NF2: variants seen among roughly 807,000 people sequenced by gnomAD.
NF2 encodes the protein merlin.
NF2 carries 8 observed loss-of-function variants against 83.7 expected under a neutral mutation model. That is an observed-to-expected ratio of 0.10 (90% CI 0.06 to 0.17). The LOEUF is 0.17. Among genes scored for constraint, NF2 ranks in the 10% least tolerant of loss-of-function variants. The pLI, the probability that NF2 is intolerant of heterozygous loss-of-function variation, is 1.00. For missense variants in NF2, 533 were observed against 744.4 expected, an observed-to-expected ratio of 0.72 and a Z score of 3.31; for synonymous variants, 266 against 269.6, an observed-to-expected ratio of 0.99 and a Z score of 0.13.
In NF2 at chr22:29,695,329, G is replaced by T. The variant is rs985623687; in HGVS notation, c.*527G>T. 1.2e-4 allele frequency: 31 copies of T among 268,490 alleles called. No individual in the cohort carries two copies. In the East Asian group the frequency reaches 1.6e-3, roughly 14 times the overall value. The allele number at this position is 268,490 out of a possible 1,614,324, so 16.6% of individuals were successfully genotyped here. A position where few individuals can be genotyped will look rare whatever the true frequency, so the allele number is the denominator to read the frequency against. On this transcript the variant is annotated 3_prime_UTR_variant, in exon 16 of 16. Transcript: ENST00000338641. The surrounding 1 kb of genome is among the most constrained non-coding windows in gnomAD (Gnocchi z 5.4). The stretch of plus-strand genomic sequence containing the variant: ...CCGGCTTCTCATCGTCAGGGAGCCC[G>T]CCCAGAGCTCGTGACGAGCAAGTGC...
chr22:29,665,755 GAAA>G (rs555450815), intron 9 of NF2, among the ~76,000 whole-genome samples: 2 of 104,932 alleles, frequency 1.9e-5, no homozygotes, highest in Admixed American at 1.0e-4. Context: ...ACAAGGTCAG[GAAA>G]AAAAAAAAAA....
At chr22:29,639,877 G>A (rs1372976033) in intron 3 of NF2, among the ~76,000 whole-genome samples, 13 of 72,730 alleles carry the variant, frequency 1.8e-4, no homozygotes, top group African/African-American at 6.1e-4. Flanking sequence ...GTGAGGTTCC[G>A]TCTCAAAAAA....
chr22:29,673,855 T>C (rs530958172), intron 12 of NF2, among the ~76,000 whole-genome samples: 3 of 152,346 alleles, frequency 2.0e-5, no homozygotes, highest in Admixed American at 6.5e-5. Flanking sequence ...TGTGGTTCTT[T>C]TCTGCTTTCA....
intron 1 of NF2, among the ~76,000 whole-genome samples, chr22:29,608,646 G>C (rs1474257723): frequency 6.6e-6 from 1 of 150,482 alleles, no homozygotes; most frequent in Non-Finnish European, 1.5e-5. Context: ...TCCAACCTGG[G>C]TGACAGAGCG....
chr22:29,697,162 C>G lies in NF2; in HGVS notation c.*2360C>G. The G allele has an allele frequency of 5.0e-6, 1 of 201,828 alleles. No homozygotes were observed. Among genetic ancestry groups the G allele is most frequent in the Non-Finnish European group, 1.0e-5 (1 of 97,784 alleles). 12.5% of individuals were successfully genotyped at this position (201,828 alleles called of 1,614,324 possible). A position where few individuals can be genotyped will look rare whatever the true frequency, so the allele number is the denominator to read the frequency against. On this transcript the variant is annotated 3_prime_UTR_variant, in exon 16 of 16. Transcript: ENST00000338641. ...ATCCCTGGATTTCCACCAGGAGTTA[C>G]TTTCCTCCTGACCTGTAAATTTGTT...
chr22:29,637,368 T>C (rs1445449582), intron 2 of NF2, among the ~76,000 whole-genome samples: 8 of 152,170 alleles, frequency 5.3e-5, no homozygotes, highest in Non-Finnish European at 1.0e-4. Context: ...TGAAAGAATG[T>C]CCATTTTGTC....
intron 4 of NF2, among the ~76,000 whole-genome samples, chr22:29,649,075 A>C (rs2146940053): frequency 6.6e-6 from 1 of 152,266 alleles, no homozygotes; most frequent in Admixed American, 6.5e-5. Context: ...ATATCTCTCT[A>C]TAATAGATAT....
intron 1 of NF2, among the ~76,000 whole-genome samples, chr22:29,624,805 CT>C (rs759725159): frequency 2.8e-5 from 1 of 35,650 alleles, no homozygotes; most frequent in African/African-American, 1.3e-4. Context: ...GGTCCTCTTT[CT>C]TTCTTTCTTT....
At chr22:29,616,701 C>T (rs560461078) in intron 1 of NF2, among the ~76,000 whole-genome samples, 3 of 150,638 alleles carry the variant, frequency 2.0e-5, no homozygotes, top group Admixed American at 6.6e-5. Flanking sequence ...GAGATCACGC[C>T]GTTGCACTCC....
intron 10 of NF2, 127 bp from the exon 11 acceptor site, chr22:29,671,699 A>T: frequency 7.5e-7 from 1 of 1,325,162 alleles, no homozygotes; most frequent in Non-Finnish European, 1.1e-6. Context: ...GACCCTGGCT[A>T]CCTAAAGGAA....
intron 11 of NF2, among the ~76,000 whole-genome samples, chr22:29,672,309 CT>C (rs779561094): frequency 2.4e-3 from 296 of 123,604 alleles, no homozygotes; most frequent in African/African-American, 4.6e-3. Flanking sequence ...CCACATGTCT[CT>C]TTTTTTTTTT....
intron 7 of NF2, among the ~76,000 whole-genome samples, chr22:29,658,882 C>A (rs1462212533): frequency 6.6e-6 from 1 of 151,992 alleles, no homozygotes; most frequent in South Asian, 2.1e-4. Context: ...GGGATGCATG[C>A]GATTTGCCAA....
chr22:29,603,995 C>G lies in NF2; in HGVS notation c.-4C>G. ...GCGAGGGTCCCGGGCCTGAGCCCCG[C>G]GCCATGGCCGGGGCCATCGCTTCCC... On this transcript the variant is annotated 5_prime_UTR_variant, in exon 1 of 16. Transcript: ENST00000338641. 6.4e-7 allele frequency: 1 copy of G among 1,572,652 alleles called. No individual in the cohort carries two copies. The highest frequency in any genetic ancestry group is 8.6e-7 in the Non-Finnish European group (1 of 1,158,570).
At position 29,678,341 on chromosome 22, in the gene NF2, C is replaced by T. The variant is rs1445186235; in HGVS notation, c.1574+18C>T. On this transcript the variant is annotated intron_variant, in intron 14 of 15. Transcript: ENST00000338641. ...AAAGAAAAGTATGTAGCCCCCTGTG[C>T]CCTGCTGTGGGCAGCTGTGAACTAG... The T allele has an allele frequency of 6.2e-7, 1 of 1,612,350 alleles. No individual in the cohort carries two copies. Among genetic ancestry groups the T allele is most frequent in the Non-Finnish European group, 8.5e-7 (1 of 1,178,932 alleles).
In NF2 at chr22:29,681,367, G is replaced by A; in HGVS notation, c.1575-72G>A. 1.9e-6 allele frequency: 3 copies of A among 1,589,356 alleles called. No individual in the cohort carries two copies. The Admixed American group carries it at 5.0e-5, about 27-fold the overall frequency. On this transcript the variant is annotated intron_variant, in intron 14 of 15. Transcript: ENST00000338641. ...CTAGATCGCACACCAAGCAGCTTGT[G>A]GGCCGCAGAGCACCTGAGCCGTGTC...
intron 1 of NF2, among the ~76,000 whole-genome samples, chr22:29,605,635 A>C (rs1439173074): frequency 6.6e-6 from 1 of 152,098 alleles, no homozygotes; most frequent in South Asian, 2.1e-4. Context: ...AAAATCAACT[A>C]TTTAAACCCT....
At chr22:29,617,050 T>A (rs1247916887) in intron 1 of NF2, among the ~76,000 whole-genome samples, 1 of 152,052 alleles carries the variant, frequency 6.6e-6, no homozygotes, top group Non-Finnish European at 1.5e-5. Context: ...TGCCTCAGCC[T>A]CCCAAGTAGC....
Position 29,668,189 on chromosome 22 carries a change from A to G in NF2, c.886-144A>G, listed in dbSNP as rs550934562. The G allele has an allele frequency of 2.7e-4, 179 of 666,686 alleles. 3 individuals are homozygous for G. In the African/African-American group the frequency reaches 3.0e-3, roughly 11 times the overall value. 41.3% of individuals were successfully genotyped at this position (666,686 alleles called of 1,614,324 possible). On this transcript the variant is annotated intron_variant, in intron 9 of 15. Transcript: ENST00000338641. ...GCTGACGGCACTAGAGGCCACTAGT[A>G]GGGCTTTGGTGTTTCACTCTATGCA...
chr22:29,688,744 C>A (rs1026321727), intron 15 of NF2, among the ~76,000 whole-genome samples: 3 of 152,208 alleles, frequency 2.0e-5, no homozygotes, highest in African/African-American at 7.2e-5. Context: ...GATAAAGTCG[C>A]TAATAACAAA....
Sources: gnomAD v4.1 joint callset for allele counts (sites outside exome capture counted in the v4.1 genomes callset) on GRCh38, gnomAD v4.1.1 for gene constraint, Gnocchi (gnomAD v3.1) non-coding constraint, MANE v1.5 for transcripts, NCBI Gene and HGNC (gene_info 2026-07-23, HGNC 2026-07-21) for gene names.